Variants in SUCLG1 observed in about 807,000 individuals in gnomAD.
The protein encoded by SUCLG1 is succinate--CoA ligase [ADP/GDP-forming] subunit alpha, mitochondrial.
SUCLG1 carries 26 observed loss-of-function variants against 37.3 expected under a neutral mutation model. The observed-to-expected ratio is 0.70, with a 90% CI of 0.51 to 0.97. The LOEUF is 0.97. Ranked by LOEUF, SUCLG1 falls within the 50% of genes least tolerant of loss-of-function variation. The pLI is 0.00. For synonymous variants in SUCLG1, 163 were observed against 155.6 expected, an observed-to-expected ratio of 1.05 and a Z score of -0.36; for missense variants, 433 against 432.9, an observed-to-expected ratio of 1.00 and a Z score of 0.00.
rs760853032 is a variant in SUCLG1 at position 84,441,114 on chromosome 2, A to T, written c.532-10T>A. 6.2e-6 allele frequency: 10 copies of T among 1,613,810 alleles called. No individual in the cohort carries two copies. The African/African-American group carries it at 6.7e-5, about 11-fold the overall frequency. On this transcript the variant is annotated splice_polypyrimidine_tract_variant and intron_variant, in intron 4 of 8. Transcript: ENST00000393868. ...TTTTACATTCTCCAGGCTGAAAGTA[A>T]TCATAGTTTTCAGAAATGTTAAAAA... is the stretch of plus-strand genomic sequence containing the variant.
intron 7 of SUCLG1, among the ~76,000 whole-genome samples, chr2:84,429,949 GCTCTGAATCCAGACAAAC>G (rs1025296127): frequency 1.3e-5 from 2 of 152,148 alleles, no homozygotes; most frequent in African/African-American, 4.8e-5. Flanking sequence ...TACAGACAAG[GCTCTGAATCCAGACAAAC>G]CTCTGATGTC....
intron 2 of SUCLG1, among the ~76,000 whole-genome samples, chr2:84,448,401 G>C (rs1672882914): frequency 6.6e-6 from 1 of 150,936 alleles, no homozygotes; most frequent in Non-Finnish European, 1.5e-5. Flanking sequence ...AACCTAATAT[G>C]TTTACAATCT....
chr2:84,441,981 T>C (rs1287322417), intron 3 of SUCLG1, among the ~76,000 whole-genome samples: 1 of 151,998 alleles, frequency 6.6e-6, no homozygotes, highest in African/African-American at 2.4e-5. Flanking sequence ...CAACAGCAAA[T>C]ATTGTGCTGG....
chr2:84,433,742 AT>A (rs1272623440), intron 5 of SUCLG1: 2 of 408,672 alleles, frequency 4.9e-6, no homozygotes, highest in Non-Finnish European at 9.1e-6. Flanking sequence ...AGAAGCTAGT[AT>A]CAGTATAAAT....
intron 7 of SUCLG1, among the ~76,000 whole-genome samples, chr2:84,429,624 T>G (rs1487854590): frequency 6.6e-6 from 1 of 152,004 alleles, no homozygotes; most frequent in Admixed American, 6.5e-5. Context: ...GAATGAAAAC[T>G]GGCATGTCAG....
chr2:84,454,855 C>G (rs1382879850), intron 1 of SUCLG1, among the ~76,000 whole-genome samples: 1 of 152,128 alleles, frequency 6.6e-6, no homozygotes, highest in East Asian at 1.9e-4. Context: ...AAACCATGGG[C>G]CTTGTATGAC....
chr2:84,447,700 A>T (rs1672871159), intron 2 of SUCLG1, among the ~76,000 whole-genome samples: 3 of 152,144 alleles, frequency 2.0e-5, no homozygotes, highest in African/African-American at 7.2e-5. Context: ...TATATAAGGG[A>T]AGTGGCATAC....
intron 2 of SUCLG1, among the ~76,000 whole-genome samples, chr2:84,448,733 T>C (rs1292605956): frequency 6.6e-6 from 1 of 151,950 alleles, no homozygotes. Flanking sequence ...CTATTAAAAT[T>C]GTAAATACAC....
At chr2:84,443,171 T>A in intron 3 of SUCLG1, 113 bp downstream of exon 3, 1 of 977,260 alleles carries the variant, frequency 1.0e-6, no homozygotes, top group Non-Finnish European at 1.7e-6. Flanking sequence ...GGTTACTGAA[T>A]TTTCAAATAG....
At chr2:84,452,033 C>T (rs1417479901) in intron 1 of SUCLG1, among the ~76,000 whole-genome samples, 1 of 152,108 alleles carries the variant, frequency 6.6e-6, no homozygotes, top group Admixed American at 6.5e-5. Flanking sequence ...TTGATTCAAT[C>T]AACATTTGAG....
intron 1 of SUCLG1, among the ~76,000 whole-genome samples, chr2:84,456,088 T>G (rs965506773): frequency 6.6e-6 from 1 of 152,152 alleles, no homozygotes; most frequent in Non-Finnish European, 1.5e-5. Context: ...ATCCACAACA[T>G]CACTGTTGAG....
chr2:84,449,758 AG>A lies in SUCLG1; in HGVS notation c.98-7del. 1 of 1,249,604 alleles carries A rather than the reference AG, an allele frequency of 8.0e-7. No homozygotes were observed. The highest frequency in any genetic ancestry group is 1.1e-6 in the Non-Finnish European group (1 of 919,520). The allele number at this position is 1,249,604 out of a possible 1,614,324, so 77.4% of individuals were successfully genotyped here. A position where few individuals can be genotyped will look rare whatever the true frequency, so the allele number is the denominator to read the frequency against. On this transcript the variant is annotated splice_region_variant and splice_polypyrimidine_tract_variant and intron_variant, in intron 1 of 8. Coordinates refer to ENST00000393868, the MANE Select transcript of SUCLG1 (RefSeq NM_003849.4). ...CCGAATTCCATTCTGCGGCACTAAG[AG>A]GTTAAAAAAAAAAAAAAAAAAAAAA...
At chr2:84,426,679 T>C (rs1672540390) in intron 7 of SUCLG1, 1 of 147,656 alleles carries the variant, frequency 6.8e-6, no homozygotes, top group Non-Finnish European at 1.5e-5. Context: ...AAAAAAAAGA[T>C]ACCATAAACT....
At chr2:84,454,154 G>A in intron 1 of SUCLG1, among the ~76,000 whole-genome samples, 1 of 152,078 alleles carries the variant, frequency 6.6e-6, no homozygotes, top group East Asian at 1.9e-4. Context: ...TAAAAAGAGA[G>A]AAAAAATAGT....
chr2:84,429,016 A>G (rs1672576983), intron 7 of SUCLG1, among the ~76,000 whole-genome samples: 1 of 152,358 alleles, frequency 6.6e-6, no homozygotes, highest in Non-Finnish European at 1.5e-5. Flanking sequence ...CATCAGGATA[A>G]AAGTTAAACA....
intron 8 of SUCLG1, 42 bp downstream of exon 8, chr2:84,425,373 A>C: frequency 6.2e-7 from 1 of 1,612,502 alleles, no homozygotes; most frequent in Non-Finnish European, 8.5e-7. Flanking sequence ...ACACAGAGAA[A>C]GCCTGCAACC....
At position 84,441,239 on chromosome 2, in the gene SUCLG1, G is replaced by A. The variant is rs768770321; in HGVS notation, c.531+8C>T. 1 of 1,613,580 alleles carries A rather than the reference G, an allele frequency of 6.2e-7. No homozygotes were observed. The highest frequency in any genetic ancestry group is 8.5e-7 in the Non-Finnish European group (1 of 1,179,898). On this transcript the variant is annotated splice_region_variant and intron_variant, in intron 4 of 8. Coordinates refer to ENST00000393868, the MANE Select transcript of SUCLG1 (RefSeq NM_003849.4). The stretch of plus-strand genomic sequence containing the variant: ...AATCTGAGTTTCTTTTTGTTTTTTT[G>A]CACTCACATTGATGACTCCAGGGCA...
chr2:84,428,417 C>CTGTA lies in SUCLG1; in HGVS notation c.826-2818_826-2815dup, dbSNP rs1672567736. On this transcript the variant is annotated intron_variant, in intron 7 of 8. Transcript: ENST00000393868. ...CTAACTTCGGTATGCCTGGCACCTA[C>CTGTA]TGTAGTACCTATGGTATAGAATTAA... is the stretch of plus-strand genomic sequence containing the variant. Among the ~76,000 whole-genome samples, 5 of 152,150 alleles carry CTGTA rather than the reference C, an allele frequency of 3.3e-5. 1 individual carries two copies. In the South Asian group the frequency reaches 1.0e-3, roughly 32 times the overall value.
At chr2:84,444,718 T>C (rs1573371999) in intron 2 of SUCLG1, among the ~76,000 whole-genome samples, 1 of 152,142 alleles carries the variant, frequency 6.6e-6, no homozygotes. Context: ...GCTTATTTCA[T>C]CCCTACAGCT....
Sources: gnomAD v4.1 joint callset for allele counts (sites outside exome capture counted in the v4.1 genomes callset) on GRCh38, gnomAD v4.1.1 for gene constraint, MANE v1.5 for transcripts, NCBI Gene and HGNC (gene_info 2026-07-23, HGNC 2026-07-21) for gene names.